DLX2: variants seen among roughly 807,000 people sequenced by gnomAD.
The protein encoded by DLX2 is homeobox protein DLX-2.
A neutral mutation model predicts 27.4 loss-of-function variants in DLX2; 8 were observed. The ratio of observed to expected loss-of-function variants is 0.29; its 90% confidence interval spans 0.17 to 0.53. DLX2 has a LOEUF of 0.53. Among genes scored for constraint, DLX2 ranks in the 20% least tolerant of loss-of-function variants. The pLI, the probability that DLX2 is intolerant of heterozygous loss-of-function variation, is 0.96. For missense variants in DLX2, 421 were observed against 450.9 expected (o/e 0.93, Z 0.60); for synonymous variants, 210 against 200.8 (o/e 1.05, Z -0.39).
At position 172,102,530 on chromosome 2, in the gene DLX2, T is replaced by C; in HGVS notation, c.9A>G (p.Gly3=). The part of the protein sequence containing the change: MT[G]VFDSLVADMH... ...TATCAGCCACTAGACTGTCAAAGAC[T>C]CCAGTCATCCTGGCCCGAGACGGGA... is the stretch of plus-strand genomic sequence containing the variant. The change falls in exon 1 of 3, where the codon GGA becomes GGG. Residue 3 remains glycine, a synonymous_variant. Coordinates refer to ENST00000234198, the MANE Select transcript of DLX2 (RefSeq NM_004405.4). 1.3e-6 allele frequency: 2 copies of C among 1,535,190 alleles called. No individual in the cohort carries two copies. The highest frequency in any genetic ancestry group is 2.1e-5 in the Admixed American group (1 of 47,358).
rs1297750821 is a variant in DLX2, at chr2:172,102,666, G to A, written c.-128C>T. 1.0e-6 allele frequency: 1 copy of A among 970,098 alleles called. No individual in the cohort carries two copies. Among genetic ancestry groups the A allele is most frequent in the Non-Finnish European group, 1.5e-6 (1 of 671,470 alleles). 60.1% of individuals were successfully genotyped at this position (970,098 alleles called of 1,614,324 possible). On this transcript the variant is annotated 5_prime_UTR_variant, in exon 1 of 3. Coordinates refer to ENST00000234198, the MANE Select transcript of DLX2 (RefSeq NM_004405.4). ...GGGTGGTGGTGGGGAAACAAGAAAG[G>A]AGGCAACCGTCTAGGCGCCTCCTCC...
Position 172,100,573 on chromosome 2 carries a change from G to GC in DLX2, c.956dup (p.Ala320ArgfsTer83). On this transcript the variant is annotated frameshift_variant, in exon 3 of 3. Coordinates refer to ENST00000234198, the MANE Select transcript of DLX2 (RefSeq NM_004405.4). LOFTEE classifies it high-confidence loss of function. This position sits in a 1 kb window ranked among gnomAD's most constrained non-coding sequence, Gnocchi z 4.5. ...AAATCGTCCCCGCGCTCACCGGGGC[G>GC]CCCCCGCCGCCGTGATGGTGGTGGT... 1 of 1,576,484 alleles carries GC rather than the reference G, an allele frequency of 6.3e-7. No individual in the cohort carries two copies. The highest frequency in any genetic ancestry group is 1.9e-5 in the Admixed American group (1 of 54,006).
chr2:172,101,080 A>C lies in DLX2; in HGVS notation c.586-136T>G, dbSNP rs921943540. The C allele has an allele frequency of 2.7e-5, 26 of 961,780 alleles. No homozygotes were observed. In the African/African-American group the frequency reaches 4.2e-4, roughly 15 times the overall value. 59.6% of individuals were successfully genotyped at this position (961,780 alleles called of 1,614,324 possible). A position where few individuals can be genotyped will look rare whatever the true frequency, so the allele number is the denominator to read the frequency against. On this transcript the variant is annotated intron_variant, in intron 2 of 2. Coordinates refer to ENST00000234198, the MANE Select transcript of DLX2 (RefSeq NM_004405.4). ...GCGAGCGCCCTGGGGAGATAAGAGG[A>C]TCACGGGCGGCGGCCTTCGAGGCTC...
chr2:172,100,899 A>C lies in DLX2; in HGVS notation c.631T>G (p.Trp211Gly). ...TCCGAGGGGATCTCACCACTTTTCC[A>C]CATCTTCTTGAACTTGGACCGGCGG... ...QNRRSKFKKM[W>G]KSGEIPSEQH... The change falls in exon 3 of 3, where the codon TGG becomes GGG. Residue 211 changes from tryptophan to glycine, a missense_variant. Physicochemically the swap from Trp to Gly is radical, Grantham distance 184. This residue lies in a region of DLX2 where 185 missense variants were observed against 171.1 expected (regional missense o/e 1.08). Transcript: ENST00000234198. The surrounding 1 kb of genome is among the most constrained non-coding windows in gnomAD (Gnocchi z 4.5). The C allele has an allele frequency of 6.2e-7, 1 of 1,612,838 alleles. No individual in the cohort carries two copies. Among genetic ancestry groups the C allele is most frequent in the Non-Finnish European group, 8.5e-7 (1 of 1,179,812 alleles).
At position 172,102,216 on chromosome 2, in the gene DLX2, T is replaced by C; in HGVS notation, c.323A>G (p.Tyr108Cys). 2 of 1,614,172 alleles carry C rather than the reference T, an allele frequency of 1.2e-6. No individual in the cohort carries two copies. Among genetic ancestry groups the C allele is most frequent in the Non-Finnish European group, 1.7e-6 (2 of 1,180,026 alleles). The change falls in exon 1 of 3, where the codon TAT becomes TGT. Residue 108 changes from tyrosine (Y) to cysteine (C), a missense_variant. Around this residue, in one of 5 missense-constraint regions of DLX2, gnomAD observed 141 missense variants for 123.5 expected, o/e 1.14. Coordinates refer to ENST00000234198, the MANE Select transcript of DLX2 (RefSeq NM_004405.4). ...GTAGGCGGCGGTGTAGCCCAGGTCA[T>C]AGCTGCTCTTGGCGGAGTAAGGGAC... ...NNVPYSAKSS[Y>C]DLGYTAAYTS...
In DLX2 at chr2:172,102,240, A is replaced by T. The variant is rs1248937877; in HGVS notation, c.299T>A (p.Val100Asp). 1 of 1,613,932 alleles carries T rather than the reference A, an allele frequency of 6.2e-7. No homozygotes were observed. Among genetic ancestry groups the T allele is most frequent in the South Asian group, 1.1e-5 (1 of 91,074 alleles). ...ATAGCTGCTCTTGGCGGAGTAAGGG[A>T]CGTTGTTGAGGCCGCTGGCTTGGTA... The part of the protein sequence containing the change: ...YQYQASGLNN[V>D]PYSAKSSYDL... The change falls in exon 1 of 3, where the codon GTC becomes GAC. Residue 100 changes from valine to aspartate, a missense_variant. Physicochemically the swap from Val to Asp is radical, Grantham distance 152 (BLOSUM62 -3). Around this residue, in one of 5 missense-constraint regions of DLX2, gnomAD observed 141 missense variants for 123.5 expected, o/e 1.14. Transcript: ENST00000234198.
At position 172,099,849 on chromosome 2, in the gene DLX2, T is replaced by C. The variant is rs1691119526; in HGVS notation, c.*694A>G. The C allele has an allele frequency of 6.6e-6, 1 of 152,638 alleles. No homozygotes were observed. Among genetic ancestry groups the C allele is most frequent in the South Asian group, 2.1e-4 (1 of 4,830 alleles). The allele number at this position is 152,638 out of a possible 1,614,324, so 9.5% of individuals were successfully genotyped here. A position where few individuals can be genotyped will look rare whatever the true frequency, so the allele number is the denominator to read the frequency against. Reference sequence around the variant, plus strand: ...TTTGCAGTGTTCACATATTAAAAAATCATTTTTTCAACGTCAAAATGAGGT... The same window carrying C: ...TTTGCAGTGTTCACATATTAAAAAACCATTTTTTCAACGTCAAAATGAGGT... On this transcript the variant is annotated 3_prime_UTR_variant, in exon 3 of 3. Transcript: ENST00000234198.
rs1318763749 is a variant in DLX2 at position 172,102,295 on chromosome 2, AGCCCCCGCC to A, written c.235_243del (p.Gly79_Gly81del). On this transcript the variant is annotated inframe_deletion, in exon 1 of 3. Transcript: ENST00000234198. Reference sequence around the variant, plus strand: ...TAGGAACCCATGTGCGCGTAGGGCGAGCCCCCGCCGCCGCCGCCGCCCGCCGGGTGCTGC... The same window carrying A: ...TAGGAACCCATGTGCGCGTAGGGCGAGCCGCCGCCGCCCGCCGGGTGCTGC... The A allele has an allele frequency of 1.9e-6, 3 of 1,608,786 alleles. No homozygotes were observed. In the African/African-American group the frequency reaches 4.0e-5, roughly 22 times the overall value.
chr2:172,101,957 G>T (rs1691166006), intron 1 of DLX2, among the ~76,000 whole-genome samples, 182 bp downstream of exon 1: 1 of 152,258 alleles, frequency 6.6e-6, no homozygotes, highest in South Asian at 2.1e-4. Flanking sequence ...CCAAAGGAGA[G>T]AGGGACGTAA....
At position 172,100,377 on chromosome 2, in the gene DLX2, T is replaced by C; in HGVS notation, c.*166A>G. On this transcript the variant is annotated 3_prime_UTR_variant, in exon 3 of 3. Coordinates refer to ENST00000234198, the MANE Select transcript of DLX2 (RefSeq NM_004405.4). The surrounding 1 kb of genome is among the most constrained non-coding windows in gnomAD (Gnocchi z 4.5). ...CCGGTTCCCCCGAGAGAGGGGCCCG[T>C]TTGGTGGCCCCGGGAGTGAGCAGGG... The C allele has an allele frequency of 1.6e-6, 1 of 622,166 alleles. No individual in the cohort carries two copies. Among genetic ancestry groups the C allele is most frequent in the South Asian group, 4.2e-5 (1 of 23,914 alleles). The allele number at this position is 622,166 out of a possible 1,614,324, so 38.5% of individuals were successfully genotyped here.
Position 172,102,611 on chromosome 2 carries a change from G to C in DLX2, c.-73C>G. The C allele has an allele frequency of 7.2e-7, 1 of 1,397,222 alleles. No homozygotes were observed. The highest frequency in any genetic ancestry group is 2.6e-5 in the East Asian group (1 of 39,136). 86.6% of individuals were successfully genotyped at this position (1,397,222 alleles called of 1,614,324 possible). ...GCCAGGCGCCTCCTCTGTCTCTCCC[G>C]GTCCCCTCCAGCAGCCAATGTAATT... On this transcript the variant is annotated 5_prime_UTR_variant, in exon 1 of 3. Coordinates refer to ENST00000234198, the MANE Select transcript of DLX2 (RefSeq NM_004405.4).
At chr2:172,101,926 T>C (rs1691165808) in intron 1 of DLX2, among the ~76,000 whole-genome samples, 1 of 152,186 alleles carries the variant, frequency 6.6e-6, no homozygotes, top group Admixed American at 6.5e-5. Flanking sequence ...CCCACTTGGC[T>C]CTTGAGGCCA....
Position 172,102,875 on chromosome 2 carries a change from G to T in DLX2, c.-337C>A, listed in dbSNP as rs982138746. Reference sequence around the variant, plus strand: ...CTCTGGGAGGCGGGAGCAGGTGAGCGGCCCCGAGCGGCTTTACGATTGTCT... The same window carrying T: ...CTCTGGGAGGCGGGAGCAGGTGAGCTGCCCCGAGCGGCTTTACGATTGTCT... On this transcript the variant is annotated 5_prime_UTR_variant, in exon 1 of 3. Coordinates refer to ENST00000234198, the MANE Select transcript of DLX2 (RefSeq NM_004405.4). The T allele has an allele frequency of 3.3e-6, 1 of 302,698 alleles. No individual in the cohort carries two copies. Among genetic ancestry groups the T allele is most frequent in the Non-Finnish European group, 6.0e-6 (1 of 165,616 alleles). 18.8% of individuals were successfully genotyped at this position (302,698 alleles called of 1,614,324 possible).
At chr2:172,101,280 G>A in intron 2 of DLX2, 182 bp downstream of exon 2, 1 of 698,610 alleles carries the variant, frequency 1.4e-6, no homozygotes, top group South Asian at 2.0e-5. Flanking sequence ...TCCCTCCCAC[G>A]GCGGCCCCTT....
Position 172,100,302 on chromosome 2 carries a change from G to A in DLX2, c.*241C>T, listed in dbSNP as rs1691129227. On this transcript the variant is annotated 3_prime_UTR_variant, in exon 3 of 3. Transcript: ENST00000234198. The surrounding 1 kb of genome is among the most constrained non-coding windows in gnomAD (Gnocchi z 4.5). Reference sequence around the variant, plus strand: ...GGGCTCGAAACAGCCGAGACCCGGGGCTCAGGTCAGAAATGCGGCCTTTTA... The same window carrying A: ...GGGCTCGAAACAGCCGAGACCCGGGACTCAGGTCAGAAATGCGGCCTTTTA... 2 of 423,634 alleles carry A rather than the reference G, an allele frequency of 4.7e-6. No homozygotes were observed. Among genetic ancestry groups the A allele is most frequent in the East Asian group, 3.6e-5 (1 of 27,480 alleles). 26.2% of individuals were successfully genotyped at this position (423,634 alleles called of 1,614,324 possible). A position where few individuals can be genotyped will look rare whatever the true frequency, so the allele number is the denominator to read the frequency against.
In DLX2 at chr2:172,100,743, C is replaced by A. The variant is rs538274009; in HGVS notation, c.787G>T (p.Gly263Cys). ...GGPGSGGSGAGSSGSSPSSAA... is the reference protein window; with the variant it reads ...GGPGSGGSGACSSGSSPSSAA... ...CTGCTCGGGCTGGAGCCCGAGCTGC[C>A]GGCGCCGCTGCCGCCACTGCCCGGA... The change falls in exon 3 of 3, where the codon GGC becomes TGC. Residue 263 changes from glycine to cysteine, a missense_variant. Gly to Cys is a radical substitution (Grantham distance 159). Around this residue, in one of 5 missense-constraint regions of DLX2, gnomAD observed 185 missense variants for 171.1 expected, o/e 1.08. Transcript: ENST00000234198. The surrounding 1 kb of genome is among the most constrained non-coding windows in gnomAD (Gnocchi z 4.5). The A allele has an allele frequency of 4.5e-6, 7 of 1,549,768 alleles. No individual in the cohort carries two copies. In the African/African-American group the frequency reaches 8.4e-5, roughly 19 times the overall value.
chr2:172,100,394 T>G lies in DLX2; in HGVS notation c.*149A>C. 1.1e-5 allele frequency: 9 copies of G among 792,866 alleles called. No homozygotes were observed. The highest frequency in any genetic ancestry group is 5.9e-5 in the South Asian group (2 of 33,686). The allele number at this position is 792,866 out of a possible 1,614,324, so 49.1% of individuals were successfully genotyped here. On this transcript the variant is annotated 3_prime_UTR_variant, in exon 3 of 3. Transcript: ENST00000234198. The surrounding 1 kb of genome is among the most constrained non-coding windows in gnomAD (Gnocchi z 4.5). ...GGGGCCCGTTTGGTGGCCCCGGGAGTGAGCAGGGCCTGAGACGGGCCACTG... is the reference window on the plus strand; with the variant it reads ...GGGGCCCGTTTGGTGGCCCCGGGAGGGAGCAGGGCCTGAGACGGGCCACTG...
chr2:172,101,653 C>A lies in DLX2; in HGVS notation c.401-7G>T, dbSNP rs750201355. 12 of 1,613,496 alleles carry A rather than the reference C, an allele frequency of 7.4e-6. No homozygotes were observed. Among genetic ancestry groups the A allele is most frequent in the South Asian group, 1.1e-5 (1 of 91,058 alleles). On this transcript the variant is annotated splice_polypyrimidine_tract_variant and splice_region_variant and intron_variant, in intron 1 of 2. Coordinates refer to ENST00000234198, the MANE Select transcript of DLX2 (RefSeq NM_004405.4). ...GGCTCAAGGTCCTCCTTCTCTGCAA[C>A]GATAAAGAATCGTAAGAACAGCGCA... is the stretch of plus-strand genomic sequence containing the variant.
Position 172,100,324 on chromosome 2 carries a change from T to G in DLX2, c.*219A>C. ...GGGGCTCAGGTCAGAAATGCGGCCT[T>G]TTAGGGAGGCCTTTGCCAAGCTGCT... is the stretch of plus-strand genomic sequence containing the variant. On this transcript the variant is annotated 3_prime_UTR_variant, in exon 3 of 3. Transcript: ENST00000234198. This position sits in a 1 kb window ranked among gnomAD's most constrained non-coding sequence, Gnocchi z 4.5. 4 of 462,220 alleles carry G rather than the reference T, an allele frequency of 8.7e-6. No homozygotes were observed. Among genetic ancestry groups the G allele is most frequent in the Non-Finnish European group, 7.4e-6 (2 of 269,436 alleles). The allele number at this position is 462,220 out of a possible 1,614,324, so 28.6% of individuals were successfully genotyped here.
Sources: gnomAD v4.1 joint callset for allele counts (sites outside exome capture counted in the v4.1 genomes callset) on GRCh38, gnomAD v4.1.1 for gene constraint, gnomAD v4.1.1 regional missense constraint, Gnocchi (gnomAD v3.1) non-coding constraint, MANE v1.5 for transcripts, NCBI Gene and HGNC (gene_info 2026-07-23, HGNC 2026-07-21) for gene names.